The following KIF20B variants were observed in gnomAD, a reference collection of about 807,000 sequenced individuals.
The protein encoded by KIF20B is kinesin-like protein KIF20B.
Under a neutral mutation model 232.5 loss-of-function variants are expected in KIF20B, and 188 were observed. The observed-to-expected ratio is 0.81, with a 90% CI of 0.72 to 0.91. The LOEUF is 0.91. Ranked by LOEUF, KIF20B falls within the 40% of genes least tolerant of loss-of-function variation. The pLI is 0.00. For synonymous variants in KIF20B, 712 were observed against 683.0 expected (o/e 1.04, Z -0.66); for missense variants, 2,154 against 2,055.9 (o/e 1.05, Z -0.92).
chr10:89,755,656 CAGTCATGG>C (rs1842106642), intron 26 of KIF20B, among the ~76,000 whole-genome samples: 1 of 151,866 alleles, frequency 6.6e-6, no homozygotes, highest in East Asian at 1.9e-4. Context: ...TGCAGTGGTG[CAGTCATGG>C]CTCACTGCCG....
chr10:89,735,535 C>CTT (rs397947713), intron 19 of KIF20B, among the ~76,000 whole-genome samples: 7,500 of 108,050 alleles, frequency 0.069, 1,120 homozygotes, highest in African/African-American at 0.25. Flanking sequence ...TAGTAAGTGT[C>CTT]TTTTTTTTTT....
At chr10:89,742,617 T>C (rs1349067729) in intron 21 of KIF20B, among the ~76,000 whole-genome samples, 3 of 152,096 alleles carry the variant, frequency 2.0e-5, no homozygotes, top group African/African-American at 7.2e-5. Context: ...GTATGTATTA[T>C]TGGAACATAA....
intron 29 of KIF20B, 74 bp from the exon 30 acceptor site, chr10:89,768,216 A>G (rs918968606): frequency 4.1e-6 from 4 of 965,342 alleles, no homozygotes; most frequent in Non-Finnish European, 6.4e-6. Context: ...GCTTTTTACA[A>G]ATTTTCTTTT....
chr10:89,743,838 C>G lies in KIF20B; in HGVS notation c.3946C>G (p.Leu1316Val). The G allele has an allele frequency of 1.3e-6, 2 of 1,539,722 alleles. No individual in the cohort carries two copies. The highest frequency in any genetic ancestry group is 1.8e-6 in the Non-Finnish European group (2 of 1,127,354). The change falls in exon 22 of 33, where the codon CTG becomes GTG. Residue 1316 changes from leucine to valine, a missense_variant. Coordinates refer to ENST00000371728, the MANE Select transcript of KIF20B (RefSeq NM_001284259.2). Reference sequence around the variant, plus strand: ...TGTAATGCGTGATGAGGATAAATTACTGAGGATTAAAATTAATGAACTGGA... The same window carrying G: ...TGTAATGCGTGATGAGGATAAATTAGTGAGGATTAAAATTAATGAACTGGA... The part of the protein sequence containing the change: ...VSVMRDEDKL[L>V]RIKINELEKK...
At chr10:89,769,192 C>T (rs939863022) in intron 31 of KIF20B, among the ~76,000 whole-genome samples, 2 of 151,816 alleles carry the variant, frequency 1.3e-5, no homozygotes, top group African/African-American at 4.8e-5. Flanking sequence ...GATTAGGGGG[C>T]TTTGGGAAGG....
At position 89,729,218 on chromosome 10, in the gene KIF20B, T is replaced by C; in HGVS notation, c.2362T>C (p.Ser788Pro). ...TATCAACGAATTTCAGAACCTAAAGTCTCATATGGAAAACACATTTAAATG... is the reference window on the plus strand; with the variant it reads ...TATCAACGAATTTCAGAACCTAAAGCCTCATATGGAAAACACATTTAAATG... ...DTINEFQNLK[S>P]HMENTFKCND... Residue 788 changes from serine (S) to proline (P), a missense_variant, in exon 18 of 33, where the codon TCT (serine) becomes CCT (proline). Transcript: ENST00000371728. 6.7e-7 allele frequency: 1 copy of C among 1,494,396 alleles called. No homozygotes were observed. The highest frequency in any genetic ancestry group is 9.0e-7 in the Non-Finnish European group (1 of 1,112,264). The allele number at this position is 1,494,396 out of a possible 1,614,324, so 92.6% of individuals were successfully genotyped here. A position where few individuals can be genotyped will look rare whatever the true frequency, so the allele number is the denominator to read the frequency against.
At chr10:89,756,589 A>T (rs1187834600) in intron 26 of KIF20B, among the ~76,000 whole-genome samples, 2 of 152,220 alleles carry the variant, frequency 1.3e-5, no homozygotes. Context: ...AATAGAACAT[A>T]GTTCAGTGAG....
intron 23 of KIF20B, among the ~76,000 whole-genome samples, chr10:89,748,343 G>C (rs1298471026): frequency 6.6e-6 from 1 of 152,084 alleles, no homozygotes; most frequent in Non-Finnish European, 1.5e-5. Context: ...ACATATTTCT[G>C]TTTTTAAAAT....
chr10:89,736,366 AAAGTTTAAAAGAATAT>A (rs1841652201), intron 19 of KIF20B, among the ~76,000 whole-genome samples: 1 of 152,202 alleles, frequency 6.6e-6, no homozygotes, highest in Non-Finnish European at 1.5e-5. Context: ...ATCTATGAGG[AAAGTTTAAAAGAATAT>A]AATTTATACT....
chr10:89,702,754 A>G (rs1842638160), intron 1 of KIF20B, among the ~76,000 whole-genome samples: 1 of 120,290 alleles, frequency 8.3e-6, no homozygotes. Flanking sequence ...ACTAGGACCG[A>G]CTTTTTTTTT....
Position 89,763,823 on chromosome 10 carries a change from TA to T in KIF20B, c.4989+989del, listed in dbSNP as rs1482153172. 1.9e-4 allele frequency among the ~76,000 whole-genome samples: 29 copies of T among 149,252 alleles called. No individual in the cohort carries two copies. In the East Asian group the frequency reaches 5.6e-3, roughly 29 times the overall value. On this transcript the variant is annotated intron_variant, in intron 29 of 32. Coordinates refer to ENST00000371728, the MANE Select transcript of KIF20B (RefSeq NM_001284259.2). ...TGGCAGTTACATTTATTAATATAAC[TA>T]TTATTACTATTTATTAATAGTTACT...
chr10:89,739,072 G>T lies in KIF20B; in HGVS notation c.3891G>T (p.Lys1297Asn). The change falls in exon 21 of 33, where the codon AAG (lysine) becomes AAT (asparagine). Residue 1297 changes from lysine to asparagine, a missense_variant. Coordinates refer to ENST00000371728, the MANE Select transcript of KIF20B (RefSeq NM_001284259.2). ...AAGAGAAACTGACTGATGCCAAAAAGCAGATTAAGCAAGTACAGAAAGAGG... is the reference window on the plus strand; with the variant it reads ...AAGAGAAACTGACTGATGCCAAAAATCAGATTAAGCAAGTACAGAAAGAGG... ...DLKEKLTDAK[K>N]QIKQVQKEVS... 1 of 1,612,814 alleles carries T rather than the reference G, an allele frequency of 6.2e-7. No homozygotes were observed. Among genetic ancestry groups the T allele is most frequent in the Non-Finnish European group, 8.5e-7 (1 of 1,179,446 alleles).
intron 6 of KIF20B, among the ~76,000 whole-genome samples, chr10:89,712,861 CTAT>C (rs960827957): frequency 6.6e-6 from 1 of 151,956 alleles, no homozygotes; most frequent in Non-Finnish European, 1.5e-5. Context: ...TATTTTTACC[CTAT>C]TATTATTAAT....
chr10:89,757,230 T>A (rs1221995252), intron 26 of KIF20B, among the ~76,000 whole-genome samples: 1 of 151,804 alleles, frequency 6.6e-6, no homozygotes, highest in Non-Finnish European at 1.5e-5. Flanking sequence ...GTTTTTAAAA[T>A]GGTTTTAATG....
intron 31 of KIF20B, among the ~76,000 whole-genome samples, chr10:89,771,554 C>G (rs1267962985): frequency 6.6e-6 from 1 of 152,064 alleles, no homozygotes; most frequent in Non-Finnish European, 1.5e-5. Context: ...ATCCCCCAAG[C>G]TAGTCATGCT....
At position 89,710,981 on chromosome 10, in the gene KIF20B, A is replaced by T; in HGVS notation, c.511A>T (p.Ile171Phe). Reference sequence around the variant, plus strand: ...TGCAGGGACAGAAGAAAATATTGGCATTCTGCCTCGAACTTTGAATGTATT... The same window carrying T: ...TGCAGGGACAGAAGAAAATATTGGCTTTCTGCCTCGAACTTTGAATGTATT... ...TFQGTEENIG[I>F]LPRTLNVLFD... Residue 171 changes from isoleucine (I) to phenylalanine (F), a missense_variant, in exon 6 of 33, where the codon ATT (isoleucine) becomes TTT (phenylalanine). Physicochemically the swap from Ile to Phe is conservative, Grantham distance 21. Coordinates refer to ENST00000371728, the MANE Select transcript of KIF20B (RefSeq NM_001284259.2). 6.2e-7 allele frequency: 1 copy of T among 1,606,088 alleles called. No individual in the cohort carries two copies. Among genetic ancestry groups the T allele is most frequent in the Non-Finnish European group, 8.5e-7 (1 of 1,177,676 alleles).
chr10:89,730,042 C>A (rs1239226872), intron 18 of KIF20B, among the ~76,000 whole-genome samples: 1 of 152,098 alleles, frequency 6.6e-6, no homozygotes, highest in African/African-American at 2.4e-5. Flanking sequence ...TCCTTTGTAT[C>A]TTGATAGTCA....
chr10:89,707,079 T>C (rs1842738339), intron 2 of KIF20B, among the ~76,000 whole-genome samples: 1 of 152,192 alleles, frequency 6.6e-6, no homozygotes, highest in Non-Finnish European at 1.5e-5. Flanking sequence ...TTAGCAGTAT[T>C]TTATACTTGT....
At position 89,737,630 on chromosome 10, in the gene KIF20B, G is replaced by A; in HGVS notation, c.2789G>A (p.Ser930Asn). Reference protein sequence around the residue: ...SLSEKKNLTLSKEVQQIQSNY... With the variant: ...SLSEKKNLTLNKEVQQIQSNY... ...TCTGAAAAAAAGAATTTAACTTTAAGTAAAGAGGTCCAACAAATTCAGTCA... is the reference window on the plus strand; with the variant it reads ...TCTGAAAAAAAGAATTTAACTTTAAATAAAGAGGTCCAACAAATTCAGTCA... The change falls in exon 20 of 33, where the codon AGT (serine) becomes AAT (asparagine). Residue 930 changes from serine to asparagine, a missense_variant. Coordinates refer to ENST00000371728, the MANE Select transcript of KIF20B (RefSeq NM_001284259.2). 4 of 1,609,300 alleles carry A rather than the reference G, an allele frequency of 2.5e-6. No individual in the cohort carries two copies. The highest frequency in any genetic ancestry group is 3.4e-6 in the Non-Finnish European group (4 of 1,177,318).
Sources: allele counts gnomAD v4.1 joint callset (sites outside exome capture counted in the v4.1 genomes callset), GRCh38; gene constraint gnomAD v4.1.1; transcripts MANE v1.5; gene names NCBI Gene and HGNC (gene_info 2026-07-23, HGNC 2026-07-21).